Variants in GABRE observed in about 807,000 individuals in gnomAD.
GABRE encodes the protein gamma-aminobutyric acid type A receptor subunit epsilon.
Under a neutral mutation model 31.0 loss-of-function variants are expected in GABRE, and 20 were observed. The ratio of observed to expected loss-of-function variants is 0.64; its 90% CI spans 0.45 to 0.94. The LOEUF (loss-of-function observed/expected upper bound fraction) is 0.94. Ranked by LOEUF, GABRE falls within the 40% of genes least tolerant of loss-of-function variation. The pLI, the probability that GABRE is intolerant of heterozygous loss-of-function variation, is 0.00. For missense variants in GABRE, 420 were observed against 410.7 expected (o/e 1.02, Z -0.20); for synonymous variants, 155 against 150.6 (o/e 1.03, Z -0.21).
rs1934594770 is a variant in GABRE, at chrX:151,968,657, T to G, written c.342+1012A>C. 3.6e-5 allele frequency among the ~76,000 whole-genome samples: 4 copies of G among 111,440 alleles called. 1 individual carries two copies. The South Asian group carries it at 1.5e-3, about 43-fold the overall frequency. ...AGCCATGTCTGTGGCTGTGACGGAG[T>G]TGCTTACCAAAGCCTTCCTCAGTGT... On this transcript the variant is annotated intron_variant, in intron 3 of 8. Transcript: ENST00000370328.
At chrX:151,966,206 AC>A (rs1934519350) in intron 3 of GABRE, among the ~76,000 whole-genome samples, 1 of 112,768 alleles carries the variant, frequency 8.9e-6, no homozygotes, top group South Asian at 3.7e-4. Context: ...CTTGCGATGT[AC>A]ATCCCTTTTA....
rs771022066 is a variant in GABRE, at chrX:151,964,429, T to C, written c.343-1786A>G. Among the ~76,000 whole-genome samples, 504 of 111,701 alleles carry C rather than the reference T, an allele frequency of 4.5e-3. 1 individual carries two copies. The highest frequency in any genetic ancestry group is 7.3e-3 in the Non-Finnish European group (391 of 53,205). On this transcript the variant is annotated intron_variant, in intron 3 of 8. Coordinates refer to ENST00000370328, the MANE Select transcript of GABRE (RefSeq NM_004961.4). ...CATGAGTTTGGCTGTAGGAGTTTTC[T>C]ATTTCCAGGTGTTCCAAAATAAAAT... is the stretch of plus-strand genomic sequence containing the variant.
intron 8 of GABRE, 122 bp downstream of exon 8, chrX:151,955,246 C>A (rs780010770): frequency 1.7e-6 from 2 of 1,193,927 alleles, no homozygotes; most frequent in Admixed American, 4.7e-5. Flanking sequence ...AACCCCGCCA[C>A]CACCCTGGGT....
In GABRE at chrX:151,954,793, C is replaced by A; in HGVS notation, c.1429G>T (p.Val477Phe). Reference sequence around the variant, plus strand: ...CTCGAGTAGTTATCCAGGCGGTAGACATGGATGCAGAGGCGGCCCTGCTGC... The same window carrying A: ...CTCGAGTAGTTATCCAGGCGGTAGAAATGGATGCAGAGGCGGCCCTGCTGC... Reference protein sequence around the residue: ...TWQQGRLCIHVYRLDNYSRVV... With the variant: ...TWQQGRLCIHFYRLDNYSRVV... Residue 477 changes from valine to phenylalanine, a missense_variant, in exon 9 of 9, where the codon GTC becomes TTC. Transcript: ENST00000370328. 1 of 1,211,951 alleles carries A rather than the reference C, an allele frequency of 8.3e-7. No individual in the cohort carries two copies. The highest frequency in any genetic ancestry group is 1.1e-6 in the Non-Finnish European group (1 of 895,472).
intron 3 of GABRE, among the ~76,000 whole-genome samples, chrX:151,965,729 G>A (rs906197657): frequency 1.2e-4 from 14 of 112,990 alleles, no homozygotes; most frequent in Non-Finnish European, 2.2e-4. Context: ...CACAGCCCTC[G>A]GGGAAGAAAT....
At chrX:151,966,994 G>T (rs1227628176) in intron 3 of GABRE, among the ~76,000 whole-genome samples, 1 of 111,868 alleles carries the variant, frequency 8.9e-6, no homozygotes, top group Admixed American at 9.5e-5. Context: ...TGGGGCTACT[G>T]CTCTGCTACA....
intron 1 of GABRE, 106 bp downstream of exon 1, chrX:151,974,464 C>A (rs1934833661): frequency 3.7e-6 from 2 of 536,279 alleles, no homozygotes; most frequent in South Asian, 7.5e-5. Flanking sequence ...AAAGCGGGCG[C>A]GGGGCTCGAG....
chrX:151,964,419 A>G (rs1225185916), intron 3 of GABRE, among the ~76,000 whole-genome samples: 1 of 111,792 alleles, frequency 8.9e-6, no homozygotes, highest in African/African-American at 3.3e-5. Flanking sequence ...GTTTGGCTGT[A>G]GGAGTTTTCT....
At chrX:151,955,324 C>G (rs776648638) in intron 8 of GABRE, 44 bp downstream of exon 8, 1 of 1,209,532 alleles carries the variant, frequency 8.3e-7, no homozygotes, top group Non-Finnish European at 1.1e-6. Context: ...TAGCATGTCT[C>G]TACACTCCAA....
At chrX:151,958,864 A>C (rs181386267) in intron 6 of GABRE, 1 of 277,764 alleles carries the variant, frequency 3.6e-6, no homozygotes, top group East Asian at 1.0e-4. Context: ...CCCCTGCCTA[A>C]TACTGTGCAA....
rs758644827 is a variant in GABRE, at chrX:151,955,871, C to T, written c.785-11G>A. 9 of 1,209,261 alleles carry T rather than the reference C, an allele frequency of 7.4e-6. No homozygotes were observed. The highest frequency in any genetic ancestry group is 1.8e-5 in the South Asian group (1 of 56,682). ...TGACCATGAAGTCACCTGAAAGACA[C>T]AAAAAACATCACTGCATTACAGTGC... On this transcript the variant is annotated splice_polypyrimidine_tract_variant and intron_variant, in intron 6 of 8. Transcript: ENST00000370328.
chrX:151,972,225 C>T lies in GABRE; in HGVS notation c.57-1823G>A, dbSNP rs774076244. The T allele has an allele frequency of 1.2e-5, 9 of 751,447 alleles. No homozygotes were observed. In the African/African-American group the frequency reaches 1.9e-4, roughly 16 times the overall value. The allele number at this position is 751,447 out of a possible 1,213,427, so 61.9% of individuals were successfully genotyped here. On this transcript the variant is annotated intron_variant, in intron 1 of 8. Transcript: ENST00000370328. ...AAGTGGCATACAGATGTGCCAAATC[C>T]ACACCATTTCTCATGTCTGAAGTGG...
chrX:151,971,065 A>C (rs973235851), intron 1 of GABRE: 109 of 822,872 alleles, frequency 1.3e-4, no homozygotes, highest in Non-Finnish European at 1.6e-4. Context: ...ACAGCCAAGA[A>C]AAAGAAGAAG....
At chrX:151,962,001 C>A (rs1934394368) in intron 4 of GABRE, among the ~76,000 whole-genome samples, 1 of 111,555 alleles carries the variant, frequency 9.0e-6, no homozygotes, top group African/African-American at 3.3e-5. Flanking sequence ...CCTTCCCCTG[C>A]TGGGAATTCA....
intron 4 of GABRE, among the ~76,000 whole-genome samples, chrX:151,961,817 C>T (rs183206539): frequency 1.8e-4 from 20 of 109,307 alleles, no homozygotes; most frequent in South Asian, 3.9e-4. Context: ...GAAAACAAAA[C>T]AAAACAAAAC....
rs1934076858 is a variant in GABRE at position 151,954,651 on chromosome X, G to A, written c.*50C>T. 2 of 1,014,939 alleles carry A rather than the reference G, an allele frequency of 2.0e-6. No homozygotes were observed. The highest frequency in any genetic ancestry group is 2.7e-6 in the Non-Finnish European group (2 of 748,715). 83.6% of individuals were successfully genotyped at this position (1,014,939 alleles called of 1,213,427 possible). A position where few individuals can be genotyped will look rare whatever the true frequency, so the allele number is the denominator to read the frequency against. ...CCCCAACTCCCTTGGCAAGGGGCTT[G>A]GACCTCCTGGGGAACTGGAGAGGTT... On this transcript the variant is annotated 3_prime_UTR_variant, in exon 9 of 9. Transcript: ENST00000370328.
chrX:151,964,004 T>G (rs1210095722), intron 3 of GABRE, among the ~76,000 whole-genome samples: 1 of 111,963 alleles, frequency 8.9e-6, no homozygotes, highest in Non-Finnish European at 1.9e-5. Flanking sequence ...GATTAGAAAA[T>G]ATCCAGAAGA....
chrX:151,972,141 G>T, intron 1 of GABRE: 1 of 753,002 alleles, frequency 1.3e-6, no homozygotes, highest in Non-Finnish European at 1.6e-6. Flanking sequence ...CCAAGGGACT[G>T]CCAACTTAAG....
rs773851811 is a variant in GABRE at position 151,955,473 on chromosome X, G to A, written c.1032C>T (p.Ile344=). 1.3e-5 allele frequency: 16 copies of A among 1,209,850 alleles called. No homozygotes were observed. The highest frequency in any genetic ancestry group is 3.0e-5 in the East Asian group (1 of 33,772). ...AGAAGCAGAAGACGAAGCAGATGGC[G>A]ATATAGAAATCCAAGGCTGTGATAT... The part of the protein sequence containing the change: ...VSYITALDFY[I]AICFVFCFCA... Residue 344 remains isoleucine (I), a synonymous_variant, in exon 8 of 9, where the codon ATC becomes ATT. Transcript: ENST00000370328.
Sources: allele counts gnomAD v4.1 joint callset (sites outside exome capture counted in the v4.1 genomes callset), GRCh38; gene constraint gnomAD v4.1.1; transcripts MANE v1.5; gene names NCBI Gene and HGNC (gene_info 2026-07-23, HGNC 2026-07-21).